Variants in KLF7 observed in about 807,000 individuals in gnomAD.
KLF7 encodes the protein Krueppel-like factor 7.
Under a neutral mutation model 27.3 loss-of-function variants are expected in KLF7, and 2 were observed. That is an observed-to-expected ratio of 0.07 (90% CI 0.03 to 0.23). The LOEUF is 0.23. KLF7 is among the 10% of genes least tolerant of loss of function. The pLI, the probability that KLF7 is intolerant of heterozygous loss-of-function variation, is 1.00. For missense variants in KLF7, 221 were observed against 394.1 expected (o/e 0.56, Z 3.72); for synonymous variants, 165 against 162.4 (o/e 1.02, Z -0.12).
chr2:207,083,518 A>C (rs573743663), intron 3 of KLF7, among the ~76,000 whole-genome samples: 13 of 152,360 alleles, frequency 8.5e-5, no homozygotes, highest in Admixed American at 4.6e-4. Flanking sequence ...GAACACAGGC[A>C]GTCTGACGCC....
At chr2:207,089,491 A>G (rs2076462394) in intron 2 of KLF7, among the ~76,000 whole-genome samples, 1 of 152,206 alleles carries the variant, frequency 6.6e-6, no homozygotes, top group African/African-American at 2.4e-5. Context: ...CAAACATGAC[A>G]AATATTTACC....
chr2:207,155,858 G>A (rs2078368112), intron 1 of KLF7, among the ~76,000 whole-genome samples: 1 of 152,128 alleles, frequency 6.6e-6, no homozygotes, highest in Non-Finnish European at 1.5e-5. Flanking sequence ...GGGGTGTTGG[G>A]GTGGAAAGAA....
chr2:207,169,755 A>G (rs760336764), upstream of KLF7, among the ~76,000 whole-genome samples: 8 of 152,256 alleles, frequency 5.3e-5, no homozygotes, highest in Admixed American at 2.6e-4. Context: ...TATATCTGAT[A>G]TGGTGATCTG....
intron 2 of KLF7, among the ~76,000 whole-genome samples, chr2:207,108,969 C>G (rs901518787): frequency 6.6e-6 from 1 of 152,184 alleles, no homozygotes; most frequent in South Asian, 2.1e-4. Flanking sequence ...TCCATAGATT[C>G]CTTTGAATTC....
chr2:207,148,817 C>T (rs2078166036), intron 1 of KLF7, among the ~76,000 whole-genome samples: 1 of 152,120 alleles, frequency 6.6e-6, no homozygotes, highest in African/African-American at 2.4e-5. Flanking sequence ...ACTGACATTA[C>T]CAGGCTGACT....
upstream of KLF7, chr2:207,167,095 T>C (rs996708874): frequency 1.1e-5 from 15 of 1,396,920 alleles, no homozygotes; most frequent in Middle Eastern, 1.9e-4. Flanking sequence ...GGGCGCAAGC[T>C]GGAGCCGGCA....
At chr2:207,085,747 G>C (rs1290695199) in intron 3 of KLF7, among the ~76,000 whole-genome samples, 1 of 152,192 alleles carries the variant, frequency 6.6e-6, no homozygotes, top group Admixed American at 6.5e-5. Context: ...ACAACAGAAA[G>C]CGGGACAATA....
intron 1 of KLF7, among the ~76,000 whole-genome samples, chr2:207,148,395 A>G (rs1468148196): frequency 6.6e-6 from 1 of 152,230 alleles, no homozygotes; most frequent in Non-Finnish European, 1.5e-5. Context: ...AGTCAGGCAC[A>G]GCAAGAGAGG....
chr2:207,131,709 T>C (rs2077641695), intron 1 of KLF7, among the ~76,000 whole-genome samples: 1 of 152,208 alleles, frequency 6.6e-6, no homozygotes, highest in Non-Finnish European at 1.5e-5. Flanking sequence ...TATGATGTAA[T>C]GATTCTGACA....
chr2:207,105,242 T>G (rs915025478), intron 2 of KLF7, among the ~76,000 whole-genome samples: 1 of 152,188 alleles, frequency 6.6e-6, no homozygotes, highest in African/African-American at 2.4e-5. Flanking sequence ...GAAGCTTCAT[T>G]TCTACCTGCC....
At chr2:207,118,310 T>C (rs1473422692) in intron 2 of KLF7, among the ~76,000 whole-genome samples, 2 of 152,198 alleles carry the variant, frequency 1.3e-5, no homozygotes, top group Non-Finnish European at 2.9e-5. Context: ...AATAGTAGCT[T>C]TATCAGTAAC....
intron 2 of KLF7, among the ~76,000 whole-genome samples, chr2:207,100,938 C>T (rs1019745765): frequency 2.0e-5 from 3 of 152,226 alleles, no homozygotes; most frequent in Non-Finnish European, 4.4e-5. Context: ...TGTAATCACG[C>T]ACAAAGTCTA....
At chr2:207,163,135 A>G (rs537225882) in intron 1 of KLF7, among the ~76,000 whole-genome samples, 1 of 152,340 alleles carries the variant, frequency 6.6e-6, no homozygotes, top group South Asian at 2.1e-4. Flanking sequence ...GTGTAAACCT[A>G]TGGTCCTAGT....
chr2:207,095,031 C>CTT (rs36091471), intron 2 of KLF7, among the ~76,000 whole-genome samples: 1,066 of 82,422 alleles, frequency 0.013, 69 homozygotes, highest in South Asian at 0.023. Context: ...TGTTTTTATT[C>CTT]TTTTTTTTTT....
intron 1 of KLF7, among the ~76,000 whole-genome samples, chr2:207,129,489 T>C (rs1252985512): frequency 1.3e-5 from 2 of 152,240 alleles, no homozygotes; most frequent in Non-Finnish European, 2.9e-5. Context: ...AAGATTCTCT[T>C]GATATCTCAA....
At chr2:207,106,019 G>A (rs1485520642) in intron 2 of KLF7, among the ~76,000 whole-genome samples, 1 of 152,180 alleles carries the variant, frequency 6.6e-6, no homozygotes, top group African/African-American at 2.4e-5. Context: ...AAATGAGAAT[G>A]TTTTGGATAT....
intron 1 of KLF7, among the ~76,000 whole-genome samples, chr2:207,135,180 C>T (rs926022333): frequency 6.6e-6 from 1 of 152,120 alleles, no homozygotes; most frequent in Non-Finnish European, 1.5e-5. Context: ...ACCAGCTGAA[C>T]TTCCAGGGGC....
rs985367972 is a variant in KLF7, at chr2:207,149,098, G to T, written c.102+16369C>A. The T allele has an allele frequency of 4.7e-6, 6 of 1,270,058 alleles. No homozygotes were observed. The African/African-American group carries it at 7.7e-5, about 16-fold the overall frequency. The allele number at this position is 1,270,058 out of a possible 1,614,324, so 78.7% of individuals were successfully genotyped here. ...CAGTTTCCATCAGCTCTTAGGGACT[G>T]ATAAATCTGTCTTTTCCCCAGTCCC... On this transcript the variant is annotated intron_variant, in intron 1 of 3. Coordinates refer to ENST00000309446, the MANE Select transcript of KLF7 (RefSeq NM_003709.4).
intron 2 of KLF7, among the ~76,000 whole-genome samples, chr2:207,122,466 A>G (rs1402235096): frequency 6.6e-6 from 1 of 152,166 alleles, no homozygotes; most frequent in Non-Finnish European, 1.5e-5. Flanking sequence ...GAACTTCAGG[A>G]AAGTTCTTCT....
Sources: allele counts gnomAD v4.1 joint callset (sites outside exome capture counted in the v4.1 genomes callset), GRCh38; gene constraint gnomAD v4.1.1; transcripts MANE v1.5; gene names NCBI Gene and HGNC (gene_info 2026-07-23, HGNC 2026-07-21).